LRP1B: variants seen among roughly 807,000 people sequenced by gnomAD.
LRP1B encodes the protein LDL receptor related protein 1B.
A neutral mutation model predicts 556.6 loss-of-function variants in LRP1B; 217 were observed. The observed-to-expected ratio is 0.39, with a 90% CI of 0.35 to 0.44. The LOEUF is 0.44. LRP1B is among the 20% of genes least tolerant of loss of function. The pLI, the probability that LRP1B is intolerant of heterozygous loss-of-function variation, is 1.00. For missense variants in LRP1B, 5,053 were observed against 5,620.8 expected (o/e 0.90, Z 3.23); for synonymous variants, 2,047 against 1,865.8 (o/e 1.10, Z -2.50).
At chr2:141,955,493 A>G (rs1202259861) in intron 1 of LRP1B, among the ~76,000 whole-genome samples, 1 of 152,096 alleles carries the variant, frequency 6.6e-6, no homozygotes, top group Non-Finnish European at 1.5e-5. Context: ...AAATGTGTAC[A>G]TTAAAGTTTC....
chr2:140,513,949 C>G (rs1689772678), intron 51 of LRP1B, among the ~76,000 whole-genome samples: 1 of 151,938 alleles, frequency 6.6e-6, no homozygotes, highest in African/African-American at 2.4e-5. Context: ...TAGTGAAATT[C>G]TTGGCCGGTA....
chr2:141,915,789 T>C (rs908415646), intron 1 of LRP1B, among the ~76,000 whole-genome samples: 2 of 152,164 alleles, frequency 1.3e-5, no homozygotes, highest in African/African-American at 4.8e-5. Flanking sequence ...AACAGGCACT[T>C]CTCAAGAGAC....
At chr2:140,772,380 G>A (rs1689343796) in intron 33 of LRP1B, among the ~76,000 whole-genome samples, 1 of 151,926 alleles carries the variant, frequency 6.6e-6, no homozygotes, top group Admixed American at 6.6e-5. Context: ...TGCAATCTTG[G>A]CTTATCGCAA....
chr2:141,660,656 T>C (rs1243171521), intron 2 of LRP1B, among the ~76,000 whole-genome samples: 1 of 152,130 alleles, frequency 6.6e-6, no homozygotes, highest in African/African-American at 2.4e-5. Context: ...GCCAGAGTTT[T>C]ATGGACAGAA....
rs570432441 is a variant in LRP1B, at chr2:141,729,030, G to A, written c.205+81249C>T. On this transcript the variant is annotated intron_variant, in intron 2 of 90. Coordinates refer to ENST00000389484, the MANE Select transcript of LRP1B (RefSeq NM_018557.3). ...ATCAGCAAGTCCCCATCTGCTAGTT[G>A]GAGTCTCCATGTGTTCATTCCGCTT... Among the ~76,000 whole-genome samples the A allele has an allele frequency of 2.0e-4, 30 of 152,194 alleles. 1 individual carries two copies. In the South Asian group the frequency reaches 6.2e-3, roughly 32 times the overall value.
chr2:141,212,664 T>C (rs1308438247), intron 6 of LRP1B, among the ~76,000 whole-genome samples: 2 of 152,022 alleles, frequency 1.3e-5, no homozygotes, highest in African/African-American at 4.8e-5. Context: ...GTAGGTGATG[T>C]AGATCAAAAA....
chr2:140,486,986 A>C (rs536181226), intron 58 of LRP1B, among the ~76,000 whole-genome samples: 2 of 152,014 alleles, frequency 1.3e-5, no homozygotes, highest in African/African-American at 4.8e-5. Flanking sequence ...CATTCACTTG[A>C]ATTTAAAACT....
Position 140,706,711 on chromosome 2 carries a change from G to A in LRP1B, c.6024-4158C>T, listed in dbSNP as rs76093296. Among the ~76,000 whole-genome samples, 780 of 152,196 alleles carry A rather than the reference G, an allele frequency of 5.1e-3. 17 individuals carry two copies. Among genetic ancestry groups the A allele is most frequent in the South Asian group, 0.04 (195 of 4,822 alleles). ...AGATCACATTTGGTAGCACTGGAGCGCCCAAAGGCCTAGCAAACCCTTAAT... is the reference window on the plus strand; with the variant it reads ...AGATCACATTTGGTAGCACTGGAGCACCCAAAGGCCTAGCAAACCCTTAAT... On this transcript the variant is annotated intron_variant, in intron 37 of 90. Coordinates refer to ENST00000389484, the MANE Select transcript of LRP1B (RefSeq NM_018557.3).
At chr2:141,551,081 G>C (rs1255851916) in intron 2 of LRP1B, among the ~76,000 whole-genome samples, 1 of 151,926 alleles carries the variant, frequency 6.6e-6, no homozygotes, top group East Asian at 1.9e-4. Context: ...GCTAGAAATA[G>C]GAAATAAGTT....
At position 141,218,742 on chromosome 2, in the gene LRP1B, A is replaced by G. The variant is rs560647781; in HGVS notation, c.850+10441T>C. Among the ~76,000 whole-genome samples, 123 of 152,326 alleles carry G rather than the reference A, an allele frequency of 8.1e-4. 1 individual carries two copies. Among genetic ancestry groups the G allele is most frequent in the Admixed American group, 1.6e-3 (24 of 15,294 alleles). Reference sequence around the variant, plus strand: ...TTAACATCATGCAATATACCCACATAATAAACCTGTACATGTACCCCTGAA... The same window carrying G: ...TTAACATCATGCAATATACCCACATGATAAACCTGTACATGTACCCCTGAA... On this transcript the variant is annotated intron_variant, in intron 6 of 90. Transcript: ENST00000389484.
chr2:140,635,671 C>T (rs1684047923), intron 41 of LRP1B, among the ~76,000 whole-genome samples: 1 of 150,414 alleles, frequency 6.6e-6, no homozygotes, highest in Non-Finnish European at 1.5e-5. Flanking sequence ...ATACTATATA[C>T]TATATATAAC....
At chr2:140,566,622 T>C (rs1371071029) in intron 43 of LRP1B, among the ~76,000 whole-genome samples, 1 of 152,118 alleles carries the variant, frequency 6.6e-6, no homozygotes, top group Non-Finnish European at 1.5e-5. Flanking sequence ...CATGATGCTT[T>C]GATGGAGCCA....
intron 43 of LRP1B, among the ~76,000 whole-genome samples, chr2:140,572,862 T>C (rs957515306): frequency 3.3e-5 from 5 of 150,006 alleles, no homozygotes; most frequent in African/African-American, 1.2e-4. Context: ...CATGGCAACA[T>C]GGAAGTTTGT....
At chr2:142,022,011 A>G (rs554352445) in intron 1 of LRP1B, among the ~76,000 whole-genome samples, 41 of 152,304 alleles carry the variant, frequency 2.7e-4, no homozygotes, top group African/African-American at 9.4e-4. Flanking sequence ...GTAAATTTGC[A>G]TAAAGTGATT....
intron 16 of LRP1B, among the ~76,000 whole-genome samples, chr2:140,993,597 G>A (rs2105358011): frequency 6.6e-6 from 1 of 152,162 alleles, no homozygotes; most frequent in South Asian, 2.1e-4. Flanking sequence ...TTGCCAAAGA[G>A]CAGTGGAGTG....
intron 84 of LRP1B, among the ~76,000 whole-genome samples, chr2:140,287,061 G>A (rs1683179926): frequency 6.6e-6 from 1 of 151,698 alleles, no homozygotes; most frequent in Non-Finnish European, 1.5e-5. Flanking sequence ...GATTAAAAAA[G>A]AATATTTTAA....
intron 41 of LRP1B, among the ~76,000 whole-genome samples, chr2:140,678,879 G>A (rs932243573): frequency 4.6e-5 from 7 of 151,344 alleles, no homozygotes; most frequent in African/African-American, 1.7e-4. Context: ...CCATGTTCAA[G>A]CGATTCACCT....
chr2:140,684,670 A>T (rs543591552), intron 41 of LRP1B, among the ~76,000 whole-genome samples: 37 of 152,374 alleles, frequency 2.4e-4, no homozygotes, highest in African/African-American at 8.4e-4. Flanking sequence ...GGGATGAGGC[A>T]AAAGAAACAT....
At chr2:140,293,450 G>T (rs1683478051) in intron 84 of LRP1B, among the ~76,000 whole-genome samples, 1 of 152,112 alleles carries the variant, frequency 6.6e-6, no homozygotes, top group Admixed American at 6.5e-5. Context: ...CTGGGCTGCT[G>T]CTGTTAAAAT....
Sources: allele counts gnomAD v4.1 joint callset (sites outside exome capture counted in the v4.1 genomes callset), GRCh38; gene constraint gnomAD v4.1.1; transcripts MANE v1.5; gene names NCBI Gene and HGNC (gene_info 2026-07-23, HGNC 2026-07-21).